The following AMOTL2 variants were observed in gnomAD, a reference collection of about 807,000 sequenced individuals.
The protein encoded by AMOTL2 is angiomotin like 2.
In AMOTL2, 33 loss-of-function variants were observed where a neutral mutation model predicts 78.4. The observed-to-expected ratio is 0.42, with a 90% CI of 0.32 to 0.56. The LOEUF is 0.56. Among genes scored for constraint, AMOTL2 ranks in the 20% least tolerant of loss-of-function variants. The probability of loss-of-function intolerance (pLI) is 0.12; values close to 1 mark genes in which losing one functional copy is unlikely to be tolerated. For synonymous variants in AMOTL2, 422 were observed against 428.8 expected (o/e 0.98, Z 0.20); for missense variants, 983 against 1,030.1 (o/e 0.95, Z 0.63).
chr3:134,374,402 C>G lies in AMOTL2; in HGVS notation c.-122G>C. 1 of 985,324 alleles carries G rather than the reference C, an allele frequency of 1.0e-6. No individual in the cohort carries two copies. Among genetic ancestry groups the G allele is most frequent in the Non-Finnish European group, 1.2e-6 (1 of 829,922 alleles). 61.0% of individuals were successfully genotyped at this position (985,324 alleles called of 1,614,324 possible). A position where few individuals can be genotyped will look rare whatever the true frequency, so the allele number is the denominator to read the frequency against. On this transcript the variant is annotated 5_prime_UTR_variant, in exon 1 of 10. Transcript: ENST00000249883. ...CCACAACCTCCGGCTCGGCCCAGCT[C>G]AGCTCGGCGGCGAAGATGTGTTCTC...
intron 6 of AMOTL2, among the ~76,000 whole-genome samples, chr3:134,361,310 T>A (rs2017349423): frequency 6.6e-6 from 1 of 152,206 alleles, no homozygotes; most frequent in African/African-American, 2.4e-5. Context: ...GGGCCTCTAC[T>A]AAGACAACGA....
chr3:134,363,222 G>A (rs1244244023), intron 5 of AMOTL2, among the ~76,000 whole-genome samples: 1 of 152,128 alleles, frequency 6.6e-6, no homozygotes, highest in Non-Finnish European at 1.5e-5. Flanking sequence ...AGGACACAGA[G>A]GCAACTCAGG....
At chr3:134,360,000 G>A in intron 7 of AMOTL2, 106 bp downstream of exon 7, 2 of 1,262,958 alleles carry the variant, frequency 1.6e-6, no homozygotes, top group Non-Finnish European at 2.2e-6. Flanking sequence ...GGACTGCTGA[G>A]CTCTATGGGG....
chr3:134,365,785 A>C (rs1170345067), intron 5 of AMOTL2, 32 bp downstream of exon 5: 1 of 1,589,218 alleles, frequency 6.3e-7, no homozygotes, highest in African/African-American at 1.3e-5. Context: ...GCCTGCACAC[A>C]GGCCAGGCTT....
At chr3:134,361,929 G>A (rs2017386766) in intron 5 of AMOTL2, 122 bp from the exon 6 acceptor site, 2 of 882,378 alleles carry the variant, frequency 2.3e-6, no homozygotes, top group South Asian at 1.8e-5. Context: ...AAAATAACAG[G>A]AATAAGGTAC....
Position 134,371,454 on chromosome 3 carries a change from G to A in AMOTL2, c.-21C>T, listed in dbSNP as rs1280021273. On this transcript the variant is annotated 5_prime_UTR_variant, in exon 2 of 10. Transcript: ENST00000249883. ...CTCATGCTTCTTTGGCTTGCACACA[G>A]CTGCCTGGACAATGGCCGGTGGCAC... 6.3e-7 allele frequency: 1 copy of A among 1,597,780 alleles called. No homozygotes were observed. Among genetic ancestry groups the A allele is most frequent in the Non-Finnish European group, 8.5e-7 (1 of 1,178,274 alleles).
At chr3:134,359,957 G>A (rs2017277576) in intron 7 of AMOTL2, 149 bp downstream of exon 7, 2 of 859,278 alleles carry the variant, frequency 2.3e-6, no homozygotes, top group African/African-American at 3.4e-5. Context: ...TGCCTGGTGT[G>A]CCAATCATGC....
In AMOTL2 at chr3:134,359,382, G is replaced by A. The variant is rs375617544; in HGVS notation, c.2005C>T (p.Pro669Ser). ...GCTGCCGCAGCCGCGAAAACAGATG[G>A]CACCGACTTGGCAGGCCGCAGGGAG... is the stretch of plus-strand genomic sequence containing the variant. ...QGSLRPAKSV[P>S]SVFAAAAAGT... Residue 669 changes from proline to serine, a missense_variant, in exon 8 of 10, where the codon CCA becomes TCA. By Grantham distance (74) the Pro-to-Ser change is moderately conservative. Coordinates refer to ENST00000249883, the MANE Select transcript of AMOTL2 (RefSeq NM_016201.4). 7 of 1,614,244 alleles carry A rather than the reference G, an allele frequency of 4.3e-6. No homozygotes were observed. The highest frequency in any genetic ancestry group is 5.9e-6 in the Non-Finnish European group (7 of 1,180,046).
chr3:134,373,287 C>G (rs1347937602), intron 1 of AMOTL2, among the ~76,000 whole-genome samples: 1 of 152,130 alleles, frequency 6.6e-6, no homozygotes, highest in Non-Finnish European at 1.5e-5. Context: ...ATGATAATCA[C>G]TCTCTGGGCC....
chr3:134,360,281 C>G lies in AMOTL2; in HGVS notation c.1708G>C (p.Glu570Gln). 6.2e-6 allele frequency: 10 copies of G among 1,614,252 alleles called. No homozygotes were observed. Among genetic ancestry groups the G allele is most frequent in the Non-Finnish European group, 8.5e-6 (10 of 1,180,044 alleles). Residue 570 changes from glutamate to glutamine, a missense_variant, in exon 7 of 10, where the codon GAG (glutamate) becomes CAG (glutamine). Physicochemically the swap from Glu to Gln is conservative, Grantham distance 29 (BLOSUM62 2). Coordinates refer to ENST00000249883, the MANE Select transcript of AMOTL2 (RefSeq NM_016201.4). ...GCACGTTCCTCCAAATACTTCTGCT[C>G]CCACTTGGTCATGTCGGCCTCCAGC... is the stretch of plus-strand genomic sequence containing the variant. ...LALEADMTKW[E>Q]QKYLEERAMR...
intron 1 of AMOTL2, among the ~76,000 whole-genome samples, chr3:134,372,078 G>GGCAT (rs2017888369): frequency 6.6e-6 from 1 of 152,148 alleles, no homozygotes; most frequent in African/African-American, 2.4e-5. Flanking sequence ...TCTAGACTGA[G>GGCAT]GCATGCCAGA....
In AMOTL2 at chr3:134,361,756, A is replaced by G. The variant is rs559273400; in HGVS notation, c.1331T>C (p.Leu444Pro). The change falls in exon 6 of 10, where the codon CTG becomes CCG. Residue 444 changes from leucine (L) to proline (P), a missense_variant. Physicochemically the swap from Leu to Pro is moderately conservative, Grantham distance 98. Transcript: ENST00000249883. ...QEKLEREMAL[L>P]RGAIEDQRRR... ...CCGCTGGTCCTCGATGGCGCCGCGC[A>G]GCAGTGCCATCTCTCGCTCCAGCTT... 1.3e-6 allele frequency: 2 copies of G among 1,587,164 alleles called. No homozygotes were observed. The highest frequency in any genetic ancestry group is 2.3e-5 in the South Asian group (2 of 88,644).
At chr3:134,359,848 G>A (rs1212045608) in intron 7 of AMOTL2, among the ~76,000 whole-genome samples, 1 of 152,230 alleles carries the variant, frequency 6.6e-6, no homozygotes, top group Non-Finnish European at 1.5e-5. Flanking sequence ...GGAGAGGGGA[G>A]GCAGGGCCCA....
chr3:134,362,194 C>T (rs2017398959), intron 5 of AMOTL2, among the ~76,000 whole-genome samples: 1 of 152,180 alleles, frequency 6.6e-6, no homozygotes, highest in Non-Finnish European at 1.5e-5. Flanking sequence ...TGCCCATGTA[C>T]AGATGAGAAA....
chr3:134,371,418 C>G lies in AMOTL2; in HGVS notation c.16G>C (p.Asp6His). 6.2e-7 allele frequency: 1 copy of G among 1,603,442 alleles called. No homozygotes were observed. Among genetic ancestry groups the G allele is most frequent in the Middle Eastern group, 1.7e-4 (1 of 6,018 alleles). ...CGGTGCAGGACTGTCCCCGAGGAGT[C>G]TTCCAGTGTCCTCATGCTTCTTTGG... MRTLE[D>H]SSGTVLHRLI... Residue 6 changes from aspartate (D) to histidine (H), a missense_variant, in exon 2 of 10, where the codon GAC (aspartate) becomes CAC (histidine). By Grantham distance (81) the Asp-to-His change is moderately conservative (BLOSUM62 -1). Transcript: ENST00000249883.
rs987259143 is a variant in AMOTL2 at position 134,374,439 on chromosome 3, C to A, written c.-159G>T. The A allele has an allele frequency of 2.0e-6, 2 of 985,400 alleles. No individual in the cohort carries two copies. The highest frequency in any genetic ancestry group is 2.4e-6 in the Non-Finnish European group (2 of 830,022). 61.0% of individuals were successfully genotyped at this position (985,400 alleles called of 1,614,324 possible). ...GAAGATGTGTTCTCGGCCGTGGCGC[C>A]GACGCTCTGGCTGTTCGCGCCCCAG... On this transcript the variant is annotated 5_prime_UTR_variant, in exon 1 of 10. Transcript: ENST00000249883.
At chr3:134,362,426 A>G (rs960399705) in intron 5 of AMOTL2, among the ~76,000 whole-genome samples, 1 of 152,188 alleles carries the variant, frequency 6.6e-6, no homozygotes, top group African/African-American at 2.4e-5. Context: ...GCCACACTAC[A>G]AAGGCCCAGG....
At chr3:134,371,754 A>T in intron 1 of AMOTL2, 2 of 475,560 alleles carry the variant, frequency 4.2e-6, no homozygotes, top group Non-Finnish European at 7.1e-6. Context: ...GATGAGGAAA[A>T]AAAAAGAGGC....
intron 6 of AMOTL2, among the ~76,000 whole-genome samples, 176 bp downstream of exon 6, chr3:134,361,336 C>G (rs1052175450): frequency 5.3e-5 from 8 of 152,212 alleles, no homozygotes; most frequent in African/African-American, 1.7e-4. Flanking sequence ...AGGGAGCACG[C>G]AGCAAAGGTG....
Sources: gnomAD v4.1 joint callset for allele counts (sites outside exome capture counted in the v4.1 genomes callset) on GRCh38, gnomAD v4.1.1 for gene constraint, MANE v1.5 for transcripts, NCBI Gene and HGNC (gene_info 2026-07-23, HGNC 2026-07-21) for gene names.